The following CSE1L variants were observed in gnomAD, a reference collection of about 807,000 sequenced individuals.
CSE1L encodes chromosome segregation 1 like.
CSE1L carries 24 observed loss-of-function variants against 120.4 expected under a neutral mutation model. The ratio of observed to expected loss-of-function variants is 0.20; its 90% confidence interval spans 0.14 to 0.28. CSE1L has a LOEUF of 0.28. CSE1L is among the 10% of genes least tolerant of loss of function. CSE1L has a pLI of 1.00. For synonymous variants in CSE1L, 402 were observed against 398.3 expected (o/e 1.01, Z -0.11); for missense variants, 830 against 1,145.2 (o/e 0.72, Z 3.97).
At chr20:49,067,161 A>G in intron 5 of CSE1L, 29 bp from the exon 6 acceptor site, 1 of 1,455,620 alleles carries the variant, frequency 6.9e-7, no homozygotes, top group Non-Finnish European at 9.5e-7. Context: ...AAAACTTGTA[A>G]ATTTATCTGT....
At chr20:49,078,410 A>G in intron 13 of CSE1L, 151 bp from the exon 14 acceptor site, 1 of 539,308 alleles carries the variant, frequency 1.9e-6, no homozygotes, top group Non-Finnish European at 3.2e-6. Context: ...ATCCTACCAA[A>G]ATTAATGACT....
At chr20:49,093,126 A>G (rs1021254828) in intron 22 of CSE1L, among the ~76,000 whole-genome samples, 1 of 152,220 alleles carries the variant, frequency 6.6e-6, no homozygotes, top group South Asian at 2.1e-4. Flanking sequence ...AAAATTCTAC[A>G]TTGACTAAAA....
chr20:49,088,538 G>A (rs1293754802), intron 17 of CSE1L, among the ~76,000 whole-genome samples: 2 of 152,240 alleles, frequency 1.3e-5, no homozygotes, highest in Admixed American at 1.3e-4. Context: ...AAATTTTACA[G>A]ATACTTAGAT....
At chr20:49,063,506 T>C (rs1345329449) in intron 3 of CSE1L, among the ~76,000 whole-genome samples, 162 bp downstream of exon 3, 4 of 152,198 alleles carry the variant, frequency 2.6e-5, no homozygotes, top group African/African-American at 9.6e-5. Flanking sequence ...CAGTGAGCTA[T>C]GATTGCACCA....
chr20:49,052,747 C>T (rs1038130148), intron 1 of CSE1L, among the ~76,000 whole-genome samples: 2 of 152,152 alleles, frequency 1.3e-5, no homozygotes, highest in African/African-American at 4.8e-5. Context: ...TGCCACCACA[C>T]CTGGCTAATT....
rs769838732 is a variant in CSE1L, at chr20:49,080,553, C to T, written c.1482+1931C>T. Among the ~76,000 whole-genome samples the T allele has an allele frequency of 5.3e-5, 8 of 152,002 alleles. No homozygotes were observed. In the East Asian group the frequency reaches 7.7e-4, roughly 15 times the overall value. ...AGGCAATGGAACGATCTCGGCTCAC[C>T]GCAACATGCGTCTCCCGAGTTCAAG... On this transcript the variant is annotated intron_variant, in intron 14 of 24. Transcript: ENST00000262982.
Position 49,066,341 on chromosome 20 carries a change from CTAAT to C in CSE1L, c.331-19_331-16del. 1 of 1,614,068 alleles carries C rather than the reference CTAAT, an allele frequency of 6.2e-7. No homozygotes were observed. The highest frequency in any genetic ancestry group is 8.5e-7 in the Non-Finnish European group (1 of 1,179,982). On this transcript the variant is annotated intron_variant, in intron 4 of 24. Coordinates refer to ENST00000262982, the MANE Select transcript of CSE1L (RefSeq NM_001316.4). ...ATGGGCTCCTCTGTAAAGCTCTGAT[CTAAT>C]TAATCTTTTCCTCTCCTAGTTAAGT...
At position 49,094,258 on chromosome 20, in the gene CSE1L, A is replaced by G. The variant is rs2092123112; in HGVS notation, c.2566A>G (p.Met856Val). 1.2e-6 allele frequency: 2 copies of G among 1,613,180 alleles called. No individual in the cohort carries two copies. The highest frequency in any genetic ancestry group is 1.7e-6 in the Non-Finnish European group (2 of 1,179,614). ...ITKLLTECPP[M>V]MDTEYTKLWT... ...CAAATTACTAACAGAATGTCCCCCA[A>G]TGATGGACACTGAGTATACCAAACT... Residue 856 changes from methionine to valine, a missense_variant, in exon 23 of 25, where the codon ATG (methionine) becomes GTG (valine). By Grantham distance (21) the Met-to-Val change is conservative (BLOSUM62 1). Transcript: ENST00000262982.
At chr20:49,056,297 A>T (rs1180784304) in intron 1 of CSE1L, among the ~76,000 whole-genome samples, 1 of 151,912 alleles carries the variant, frequency 6.6e-6, no homozygotes, top group African/African-American at 2.4e-5. Context: ...TAGAGACGGG[A>T]TTCACCATGC....
intron 13 of CSE1L, 89 bp downstream of exon 13, chr20:49,077,153 C>CATT: frequency 2.5e-6 from 1 of 401,512 alleles, no homozygotes; most frequent in Non-Finnish European, 4.2e-6. Context: ...CCCTTTTGTT[C>CATT]TTTTTTTTTT....
At chr20:49,070,371 A>T in intron 8 of CSE1L, 74 bp downstream of exon 8, 1 of 714,874 alleles carries the variant, frequency 1.4e-6, no homozygotes, top group Non-Finnish European at 2.4e-6. Flanking sequence ...CTGGAAACCT[A>T]TTTACTCTTG....
intron 2 of CSE1L, among the ~76,000 whole-genome samples, chr20:49,060,805 A>G (rs1194739780): frequency 6.6e-6 from 1 of 152,090 alleles, no homozygotes; most frequent in Non-Finnish European, 1.5e-5. Context: ...ATACAGTGCA[A>G]GCCAAACTAC....
At position 49,048,477 on chromosome 20, in the gene CSE1L, A is replaced by G. The variant is rs533094067; in HGVS notation, c.-12+2054A>G. On this transcript the variant is annotated intron_variant, in intron 1 of 24. Transcript: ENST00000262982. ...GTGGGCGAAAGAAAAAACATTAGAT[A>G]ATTTCAGATAGTGACAGAATTATGT... Among the ~76,000 whole-genome samples, 12 of 152,288 alleles carry G rather than the reference A, an allele frequency of 7.9e-5. No individual in the cohort carries two copies. In the South Asian group the frequency reaches 2.5e-3, roughly 32 times the overall value.
chr20:49,089,171 C>A, intron 17 of CSE1L, 76 bp from the exon 18 acceptor site: 2 of 1,161,136 alleles, frequency 1.7e-6, no homozygotes, highest in Non-Finnish European at 2.3e-6. Flanking sequence ...AATAAGATGG[C>A]CTCTATTTTA....
At chr20:49,073,038 G>C (rs1038998435) in intron 10 of CSE1L, among the ~76,000 whole-genome samples, 2 of 152,026 alleles carry the variant, frequency 1.3e-5, no homozygotes, top group Non-Finnish European at 2.9e-5. Flanking sequence ...TGAGACAGGG[G>C]TCTCGCTCTG....
chr20:49,074,766 A>G lies in CSE1L; in HGVS notation c.1067-19A>G. ...GACGTCTTTTGGAGTGTTATCTGAA[A>G]TATCATCTCTCCTTGTAGCTGCTGA... On this transcript the variant is annotated intron_variant, in intron 10 of 24. Transcript: ENST00000262982. 1 of 1,605,070 alleles carries G rather than the reference A, an allele frequency of 6.2e-7. No individual in the cohort carries two copies. Among genetic ancestry groups the G allele is most frequent in the South Asian group, 1.1e-5 (1 of 89,728 alleles).
chr20:49,063,900 G>GTA (rs201785032), intron 3 of CSE1L, among the ~76,000 whole-genome samples: 1,857 of 152,258 alleles, frequency 0.012, 19 homozygotes, highest in Middle Eastern at 0.024. Context: ...TGTGGGATAT[G>GTA]TATATATATA....
chr20:49,055,054 A>G (rs531022038), intron 1 of CSE1L, among the ~76,000 whole-genome samples: 23 of 152,252 alleles, frequency 1.5e-4, no homozygotes, highest in Non-Finnish European at 2.2e-4. Flanking sequence ...TTCAGAGGAC[A>G]GATGTTTCAG....
intron 19 of CSE1L, among the ~76,000 whole-genome samples, chr20:49,090,510 C>T (rs977497992): frequency 3.9e-5 from 6 of 152,058 alleles, no homozygotes; most frequent in African/African-American, 1.2e-4. Flanking sequence ...GAGCCAAGAT[C>T]GCCCCATTGC....
Sources: allele counts gnomAD v4.1 joint callset (sites outside exome capture counted in the v4.1 genomes callset), GRCh38; gene constraint gnomAD v4.1.1; transcripts MANE v1.5; gene names NCBI Gene and HGNC (gene_info 2026-07-23, HGNC 2026-07-21).